FRMD5: variants seen among roughly 807,000 people sequenced by gnomAD.
FRMD5 encodes FERM domain-containing protein 5.
In FRMD5, 20 loss-of-function variants were observed where a neutral mutation model predicts 69.0. The observed-to-expected ratio is 0.29, with a 90% CI of 0.20 to 0.42. FRMD5 has a LOEUF of 0.42. Among genes scored for constraint, FRMD5 ranks in the 10% least tolerant of loss-of-function variants. The pLI, the probability that FRMD5 is intolerant of heterozygous loss-of-function variation, is 1.00. For missense variants in FRMD5, 595 were observed against 708.6 expected (o/e 0.84, Z 1.82); for synonymous variants, 271 against 260.1 (o/e 1.04, Z -0.40).
intron 1 of FRMD5, among the ~76,000 whole-genome samples, chr15:44,147,108 T>C (rs1486497594): frequency 6.6e-6 from 1 of 152,206 alleles, no homozygotes; most frequent in African/African-American, 2.4e-5. Context: ...CTTCTAGGGT[T>C]TTTATAGTTT....
chr15:44,151,934 G>T (rs948984308), intron 1 of FRMD5, among the ~76,000 whole-genome samples: 1 of 152,198 alleles, frequency 6.6e-6, no homozygotes. Context: ...GCCAGGCCAG[G>T]CGCGGTGGAT....
At chr15:44,120,789 A>G (rs1456753666) in intron 1 of FRMD5, among the ~76,000 whole-genome samples, 1 of 151,872 alleles carries the variant, frequency 6.6e-6, no homozygotes, top group Non-Finnish European at 1.5e-5. Context: ...CAGCCTCCCA[A>G]AGTGCTGGGA....
At chr15:43,995,284 T>C (rs753676656) in intron 1 of FRMD5, among the ~76,000 whole-genome samples, 1 of 152,240 alleles carries the variant, frequency 6.6e-6, no homozygotes, top group Non-Finnish European at 1.5e-5. Context: ...AGTCTGTACA[T>C]GTTTAGTACA....
At chr15:43,923,898 G>C (rs1018620245) in intron 2 of FRMD5, among the ~76,000 whole-genome samples, 2 of 152,160 alleles carry the variant, frequency 1.3e-5, no homozygotes, top group Non-Finnish European at 2.9e-5. Context: ...GGCAGGAGAG[G>C]CTCACCCTGT....
intron 1 of FRMD5, among the ~76,000 whole-genome samples, chr15:44,166,501 T>C (rs1303877559): frequency 6.6e-6 from 1 of 152,128 alleles, no homozygotes; most frequent in Non-Finnish European, 1.5e-5. Flanking sequence ...AATTCTCATG[T>C]ACGCCAGGTG....
chr15:43,878,932 C>CTTTTTTTTTTTTTTTTTTTTTT (rs71421808), intron 13 of FRMD5, among the ~76,000 whole-genome samples: 2 of 112,900 alleles, frequency 1.8e-5, no homozygotes, highest in Non-Finnish European at 1.8e-5. Context: ...TTTTTCTTTT[C>CTTTTTTTTTTTTTTTTTTTTTT]TTTTTTTTTT....
At chr15:44,007,948 A>AT (rs941769470) in intron 1 of FRMD5, among the ~76,000 whole-genome samples, 2 of 151,676 alleles carry the variant, frequency 1.3e-5, no homozygotes, top group African/African-American at 2.4e-5. Context: ...CTGGCTGCTA[A>AT]TTTTTTTTAA....
intron 1 of FRMD5, among the ~76,000 whole-genome samples, chr15:44,087,737 T>TATCATC (rs61525802): frequency 0.012 from 1,802 of 148,274 alleles, 11 homozygotes; most frequent in Middle Eastern, 0.032. Context: ...TATCAGCTGC[T>TATCATC]ATCATCATCA....
At chr15:44,021,178 C>T (rs571405335) in intron 1 of FRMD5, among the ~76,000 whole-genome samples, 3 of 151,938 alleles carry the variant, frequency 2.0e-5, no homozygotes, top group Non-Finnish European at 4.4e-5. Flanking sequence ...CCCATCTACT[C>T]GGGAGGCTGA....
chr15:44,168,234 A>G (rs1283501264), intron 1 of FRMD5, among the ~76,000 whole-genome samples: 1 of 152,256 alleles, frequency 6.6e-6, no homozygotes, highest in Admixed American at 6.5e-5. Flanking sequence ...GTGGCTGTTT[A>G]AACACAAGTC....
chr15:44,164,166 T>C (rs1419126577), intron 1 of FRMD5, among the ~76,000 whole-genome samples: 1 of 152,222 alleles, frequency 6.6e-6, no homozygotes, highest in East Asian at 1.9e-4. Flanking sequence ...AGACAATGTC[T>C]ATCCCCGATC....
chr15:44,011,447 A>G (rs567452373), intron 1 of FRMD5, among the ~76,000 whole-genome samples: 3 of 152,300 alleles, frequency 2.0e-5, no homozygotes, highest in African/African-American at 7.2e-5. Flanking sequence ...GTCATTCAAG[A>G]ACAGGTGCCC....
chr15:44,007,633 ACTAATTTTTTT>A (rs1157101718), intron 1 of FRMD5, among the ~76,000 whole-genome samples: 1 of 135,400 alleles, frequency 7.4e-6, no homozygotes, highest in African/African-American at 2.6e-5. Flanking sequence ...TAATTAATTA[ACTAATTTTTTT>A]TTTTTTTTTT....
intron 5 of FRMD5, among the ~76,000 whole-genome samples, chr15:43,909,221 T>G (rs1434613431): frequency 6.6e-6 from 1 of 151,292 alleles, no homozygotes; most frequent in Non-Finnish European, 1.5e-5. Flanking sequence ...ACGGTGAAAC[T>G]CCATCTCTAC....
chr15:44,032,914 T>C (rs1056728815), intron 1 of FRMD5, among the ~76,000 whole-genome samples: 2 of 152,230 alleles, frequency 1.3e-5, no homozygotes, highest in African/African-American at 4.8e-5. Context: ...CATGTGGATG[T>C]TTACTGCAGC....
intron 1 of FRMD5, among the ~76,000 whole-genome samples, chr15:43,935,635 G>A (rs2089747779): frequency 6.6e-6 from 1 of 152,134 alleles, no homozygotes; most frequent in South Asian, 2.1e-4. Flanking sequence ...GCAAACAGAG[G>A]AGGCAAGTTT....
intron 1 of FRMD5, among the ~76,000 whole-genome samples, chr15:44,164,801 A>G (rs920245995): frequency 1.4e-4 from 22 of 152,182 alleles, no homozygotes; most frequent in Non-Finnish European, 2.9e-4. Flanking sequence ...CGGAGAATAC[A>G]TTTTGTTGGT....
chr15:44,131,645 A>G (rs1340270089), intron 1 of FRMD5, among the ~76,000 whole-genome samples: 2 of 152,246 alleles, frequency 1.3e-5, no homozygotes, highest in African/African-American at 4.8e-5. Flanking sequence ...GCTCTAATAT[A>G]GATGAACCTT....
intron 2 of FRMD5, among the ~76,000 whole-genome samples, chr15:43,920,152 A>T (rs2089468051): frequency 6.6e-6 from 1 of 152,216 alleles, no homozygotes; most frequent in Non-Finnish European, 1.5e-5. Flanking sequence ...ACAGAGCCCC[A>T]CCTGGGTTGA....
Sources: gnomAD v4.1 joint callset for allele counts (sites outside exome capture counted in the v4.1 genomes callset) on GRCh38, gnomAD v4.1.1 for gene constraint, MANE v1.5 for transcripts, NCBI Gene and HGNC (gene_info 2026-07-23, HGNC 2026-07-21) for gene names.